The following RBMS3 variants were observed in gnomAD, a reference collection of about 807,000 sequenced individuals.
RBMS3 encodes the protein RNA-binding motif, single-stranded-interacting protein 3.
In RBMS3, 27 loss-of-function variants were observed where a neutral mutation model predicts 66.8. That is an observed-to-expected ratio of 0.40 (90% CI 0.30 to 0.56). The LOEUF is 0.56. Among genes scored for constraint, RBMS3 ranks in the 20% least tolerant of loss-of-function variants. The probability of loss-of-function intolerance (pLI) is 0.40; values close to 1 mark genes in which losing one functional copy is unlikely to be tolerated. For missense variants in RBMS3, 513 were observed against 549.5 expected (o/e 0.93, Z 0.66); for synonymous variants, 188 against 183.0 (o/e 1.03, Z -0.22).
intron 12 of RBMS3, among the ~76,000 whole-genome samples, chr3:29,961,478 A>G (rs190806578): frequency 1.1e-3 from 162 of 152,130 alleles, no homozygotes; most frequent in African/African-American, 3.5e-3. Flanking sequence ...GCAGCACCCC[A>G]CTACACAGTA....
intron 1 of RBMS3, among the ~76,000 whole-genome samples, chr3:29,377,710 T>C (rs1291520017): frequency 1.3e-5 from 2 of 152,196 alleles, no homozygotes; most frequent in African/African-American, 4.8e-5. Context: ...ATCAGGGCAG[T>C]CATCCCTTTG....
intron 1 of RBMS3, among the ~76,000 whole-genome samples, chr3:29,369,247 C>A (rs892129228): frequency 2.6e-5 from 4 of 151,948 alleles, no homozygotes; most frequent in Admixed American, 6.6e-5. Context: ...AATAATCTTA[C>A]AACCAACCCC....
At chr3:29,888,885 G>A (rs894652280) in intron 8 of RBMS3, among the ~76,000 whole-genome samples, 18 of 151,396 alleles carry the variant, frequency 1.2e-4, no homozygotes, top group African/African-American at 2.9e-4. Context: ...CCCTTCCTCC[G>A]TGCCACTGGT....
chr3:29,703,726 T>C (rs2052739845), intron 4 of RBMS3, among the ~76,000 whole-genome samples: 1 of 152,220 alleles, frequency 6.6e-6, no homozygotes, highest in Non-Finnish European at 1.5e-5. Flanking sequence ...CCCATTCTTA[T>C]TGTGAAAGAC....
At chr3:29,986,328 A>G (rs1282258076) in intron 12 of RBMS3, among the ~76,000 whole-genome samples, 1 of 152,208 alleles carries the variant, frequency 6.6e-6, no homozygotes, top group African/African-American at 2.4e-5. Flanking sequence ...GTTTTAAGCA[A>G]AACTAATTAA....
intron 6 of RBMS3, among the ~76,000 whole-genome samples, chr3:29,823,551 C>A (rs1474084242): frequency 6.6e-6 from 1 of 152,190 alleles, no homozygotes; most frequent in African/African-American, 2.4e-5. Flanking sequence ...AATAGAACTT[C>A]CTACAATGAC....
chr3:29,569,094 T>C (rs2046845660), intron 3 of RBMS3, among the ~76,000 whole-genome samples: 1 of 152,162 alleles, frequency 6.6e-6, no homozygotes, highest in African/African-American at 2.4e-5. Context: ...AGCTCACATC[T>C]GAGCAGCAAA....
At chr3:29,783,317 T>C (rs189305994) in intron 6 of RBMS3, among the ~76,000 whole-genome samples, 4 of 152,244 alleles carry the variant, frequency 2.6e-5, no homozygotes, top group Admixed American at 1.3e-4. Flanking sequence ...AGGTAACCTA[T>C]AAAGGAAAAC....
At chr3:29,472,821 G>A (rs921449211) in intron 2 of RBMS3, among the ~76,000 whole-genome samples, 22 of 152,240 alleles carry the variant, frequency 1.4e-4, no homozygotes, top group African/African-American at 4.8e-4. Flanking sequence ...TGCAAAGAGC[G>A]AAAGAACAAA....
intron 2 of RBMS3, among the ~76,000 whole-genome samples, chr3:29,473,830 G>A (rs1431843078): frequency 5.3e-5 from 8 of 152,252 alleles, no homozygotes; most frequent in Non-Finnish European, 1.0e-4. Flanking sequence ...CCACCTGGAA[G>A]TCCAGCTGTC....
chr3:29,373,630 G>T (rs999607995), intron 1 of RBMS3, among the ~76,000 whole-genome samples: 1 of 152,172 alleles, frequency 6.6e-6, no homozygotes, highest in Non-Finnish European at 1.5e-5. Flanking sequence ...GACTGGGAAA[G>T]AATGCTAACA....
chr3:29,974,541 C>T (rs1697430086), intron 12 of RBMS3, among the ~76,000 whole-genome samples: 2 of 151,650 alleles, frequency 1.3e-5, no homozygotes. Flanking sequence ...ATCCATCATC[C>T]ACATCAACAT....
intron 1 of RBMS3, among the ~76,000 whole-genome samples, chr3:29,312,048 A>G (rs1184707834): frequency 6.6e-6 from 1 of 151,796 alleles, no homozygotes; most frequent in African/African-American, 2.4e-5. Context: ...CCCATAGTCC[A>G]TCTGCATGGT....
intron 4 of RBMS3, among the ~76,000 whole-genome samples, chr3:29,591,802 A>G (rs2149100957): frequency 6.6e-6 from 1 of 152,298 alleles, no homozygotes; most frequent in African/African-American, 2.4e-5. Flanking sequence ...TCTAGAGGAA[A>G]TGTCCGCAGA....
In RBMS3 at chr3:29,394,660, G is replaced by A. The variant is rs370374309; in HGVS notation, c.76-40083G>A. Among the ~76,000 whole-genome samples the A allele has an allele frequency of 1.5e-4, 23 of 152,234 alleles. No homozygotes were observed. The East Asian group carries it at 2.5e-3, about 17-fold the overall frequency. The stretch of plus-strand genomic sequence containing the variant: ...ATCTTCACAATTTATGTTCTTTGCC[G>A]CAGCTTCAGCCGGTACCTCCTTTCT... On this transcript the variant is annotated intron_variant, in intron 1 of 14. Coordinates refer to ENST00000383767, the MANE Select transcript of RBMS3 (RefSeq NM_001003793.3).
intron 4 of RBMS3, among the ~76,000 whole-genome samples, chr3:29,682,060 A>C (rs113917414): frequency 6.6e-6 from 1 of 152,232 alleles, no homozygotes. Flanking sequence ...GACTGGTGTG[A>C]GATAGCATCT....
At chr3:29,642,272 A>T (rs769686140) in intron 4 of RBMS3, among the ~76,000 whole-genome samples, 4 of 151,968 alleles carry the variant, frequency 2.6e-5, no homozygotes, top group Non-Finnish European at 5.9e-5. Context: ...GTCTTCTCTT[A>T]TTTACACCCA....
chr3:29,515,798 G>A (rs1425320559), intron 3 of RBMS3, among the ~76,000 whole-genome samples: 3 of 152,174 alleles, frequency 2.0e-5, no homozygotes, highest in African/African-American at 7.2e-5. Context: ...AGACCAGGAA[G>A]GCTAAAGGGC....
chr3:29,505,767 CT>C (rs987160510), intron 3 of RBMS3, among the ~76,000 whole-genome samples: 106 of 150,980 alleles, frequency 7.0e-4, no homozygotes, highest in African/African-American at 2.5e-3. Context: ...AATTTTGGAT[CT>C]TTTTTTAATG....
Sources: gnomAD v4.1 joint callset for allele counts (sites outside exome capture counted in the v4.1 genomes callset) on GRCh38, gnomAD v4.1.1 for gene constraint, MANE v1.5 for transcripts, NCBI Gene and HGNC (gene_info 2026-07-23, HGNC 2026-07-21) for gene names.